GALNTL6: variants seen among roughly 807,000 people sequenced by gnomAD.
GALNTL6 encodes the protein polypeptide N-acetylgalactosaminyltransferase-like 6.
Under a neutral mutation model 73.7 loss-of-function variants are expected in GALNTL6, and 46 were observed. The observed-to-expected ratio is 0.62, with a 90% CI of 0.49 to 0.80. The LOEUF (loss-of-function observed/expected upper bound fraction) is 0.80, where lower values mean the gene tolerates loss of function less well. GALNTL6 is among the 30% of genes least tolerant of loss of function. GALNTL6 has a pLI of 0.00. For missense variants in GALNTL6, 604 were observed against 755.0 expected, an observed-to-expected ratio of 0.80 and a Z score of 2.34; for synonymous variants, 259 against 263.7, an observed-to-expected ratio of 0.98 and a Z score of 0.17.
rs887103185 is a variant in GALNTL6 at position 172,498,927 on chromosome 4, G to C, written c.553+150238G>C. On this transcript the variant is annotated intron_variant, in intron 5 of 12. Coordinates refer to ENST00000506823, the MANE Select transcript of GALNTL6 (RefSeq NM_001034845.3). ...GGCTGCCTTCTAAAATGACATTGAA[G>C]TAACATAATGCACATTTGCAAGACA... 2.0e-5 allele frequency among the ~76,000 whole-genome samples: 3 copies of C among 152,134 alleles called. No homozygotes were observed. In the South Asian group the frequency reaches 6.2e-4, roughly 31 times the overall value.
intron 5 of GALNTL6, among the ~76,000 whole-genome samples, chr4:172,429,022 G>T (rs1731332613): frequency 6.6e-6 from 1 of 151,930 alleles, no homozygotes. Context: ...CCGCTTTCTG[G>T]TTCATAGATG....
intron 2 of GALNTL6, among the ~76,000 whole-genome samples, chr4:171,882,649 G>A (rs1231474815): frequency 1.3e-5 from 2 of 152,146 alleles, no homozygotes; most frequent in Non-Finnish European, 2.9e-5. Context: ...GACGTTTGAG[G>A]GCAGGAAGCA....
At chr4:172,324,217 C>T (rs1343530220) in intron 4 of GALNTL6, among the ~76,000 whole-genome samples, 2 of 151,902 alleles carry the variant, frequency 1.3e-5, no homozygotes, top group African/African-American at 2.4e-5. Context: ...TACACTGTCA[C>T]TTCATTCTTC....
chr4:172,132,593 G>A (rs563578809), intron 2 of GALNTL6, among the ~76,000 whole-genome samples: 146 of 152,012 alleles, frequency 9.6e-4, no homozygotes, highest in African/African-American at 3.4e-3. Flanking sequence ...ATTCTCCCAT[G>A]TCCATTACTT....
intron 2 of GALNTL6, among the ~76,000 whole-genome samples, chr4:172,096,868 A>G (rs78994433): frequency 0.038 from 5,764 of 152,260 alleles, 370 homozygotes; most frequent in African/African-American, 0.13. Flanking sequence ...GGAACCAGTA[A>G]ACTTGTCTTT....
chr4:172,216,979 T>C (rs1736516272), intron 2 of GALNTL6, among the ~76,000 whole-genome samples: 1 of 152,164 alleles, frequency 6.6e-6, no homozygotes, highest in Non-Finnish European at 1.5e-5. Flanking sequence ...GGTTGATAAT[T>C]GGTTGAGTTT....
chr4:172,634,882 T>C (rs1253157915), intron 5 of GALNTL6, among the ~76,000 whole-genome samples: 1 of 152,132 alleles, frequency 6.6e-6, no homozygotes, highest in Non-Finnish European at 1.5e-5. Flanking sequence ...CAGAGATATA[T>C]ACAAAAGGCA....
chr4:172,072,959 C>A (rs1280011672), intron 2 of GALNTL6, among the ~76,000 whole-genome samples: 4 of 152,186 alleles, frequency 2.6e-5, no homozygotes, highest in Admixed American at 1.3e-4. Flanking sequence ...ATGTGGCCTA[C>A]AAGACCCAAC....
chr4:172,845,756 CTTTTT>C (rs948453713), intron 7 of GALNTL6, among the ~76,000 whole-genome samples: 1 of 151,866 alleles, frequency 6.6e-6, no homozygotes, highest in Non-Finnish European at 1.5e-5. Flanking sequence ...AGAAAAAAGA[CTTTTT>C]TTTACCATCA....
In GALNTL6 at chr4:172,297,252, T is replaced by G. The variant is rs1739714705; in HGVS notation, c.248-14362T>G. On this transcript the variant is annotated intron_variant, in intron 3 of 12. Coordinates refer to ENST00000506823, the MANE Select transcript of GALNTL6 (RefSeq NM_001034845.3). ...TTGAGTTCTTTGTAGATTCTGGATA[T>G]TAGCCGTTTGTCAGATGAGTAGATT... 3.3e-5 allele frequency among the ~76,000 whole-genome samples: 5 copies of G among 152,222 alleles called. No individual in the cohort carries two copies. The South Asian group carries it at 1.0e-3, about 32-fold the overall frequency.
At chr4:172,604,576 TAAC>T (rs1302839651) in intron 5 of GALNTL6, among the ~76,000 whole-genome samples, 2 of 152,304 alleles carry the variant, frequency 1.3e-5, no homozygotes, top group Non-Finnish European at 2.9e-5. Context: ...TATTGAATGA[TAAC>T]AACTAGATTT....
At chr4:171,959,053 G>C (rs1185069710) in intron 2 of GALNTL6, among the ~76,000 whole-genome samples, 1 of 152,078 alleles carries the variant, frequency 6.6e-6, no homozygotes, top group Non-Finnish European at 1.5e-5. Context: ...GCAATAATTA[G>C]GCTGAACCTA....
At chr4:171,912,166 T>A (rs991549143) in intron 2 of GALNTL6, among the ~76,000 whole-genome samples, 6 of 152,200 alleles carry the variant, frequency 3.9e-5, no homozygotes, top group African/African-American at 1.2e-4. Context: ...ATCAATGATT[T>A]TCTGCTAAGA....
In GALNTL6 at chr4:172,072,261, A is replaced by G. The variant is rs974906614; in HGVS notation, c.139-157395A>G. 2.3e-4 allele frequency among the ~76,000 whole-genome samples: 35 copies of G among 151,956 alleles called. 1 individual carries two copies. Among genetic ancestry groups the G allele is most frequent in the African/African-American group, 7.7e-4 (32 of 41,428 alleles). ...ATTGATTTTTTTTTTCTTTTAACCA[A>G]TATGTTTGACTCTTCACAGTAGATG... On this transcript the variant is annotated intron_variant, in intron 2 of 12. Coordinates refer to ENST00000506823, the MANE Select transcript of GALNTL6 (RefSeq NM_001034845.3).
chr4:172,143,668 A>G (rs1305110940), intron 2 of GALNTL6, among the ~76,000 whole-genome samples: 1 of 152,130 alleles, frequency 6.6e-6, no homozygotes, highest in Non-Finnish European at 1.5e-5. Flanking sequence ...CACATTGACT[A>G]TCGTAATTTA....
intron 7 of GALNTL6, among the ~76,000 whole-genome samples, chr4:172,826,070 C>G (rs1742250929): frequency 6.6e-6 from 1 of 152,006 alleles, no homozygotes; most frequent in Admixed American, 6.6e-5. Flanking sequence ...CATAAATGAG[C>G]CTTGCAAAGC....
chr4:172,208,274 C>A (rs182976157), intron 2 of GALNTL6, among the ~76,000 whole-genome samples: 7 of 152,054 alleles, frequency 4.6e-5, no homozygotes, highest in Non-Finnish European at 7.4e-5. Context: ...CATTTTAATT[C>A]TTTTACTAAA....
chr4:172,662,293 T>G (rs553643234), intron 5 of GALNTL6, among the ~76,000 whole-genome samples: 29 of 152,314 alleles, frequency 1.9e-4, no homozygotes, highest in Admixed American at 1.2e-3. Flanking sequence ...TATTGCTAAT[T>G]GCGAAATATT....
At chr4:172,326,885 T>C (rs1230779851) in intron 4 of GALNTL6, among the ~76,000 whole-genome samples, 2 of 152,018 alleles carry the variant, frequency 1.3e-5, no homozygotes, top group Non-Finnish European at 2.9e-5. Context: ...TATGAAATTA[T>C]ATTGATCTAT....
Sources: gnomAD v4.1 joint callset for allele counts (sites outside exome capture counted in the v4.1 genomes callset) on GRCh38, gnomAD v4.1.1 for gene constraint, MANE v1.5 for transcripts, NCBI Gene and HGNC (gene_info 2026-07-23, HGNC 2026-07-21) for gene names.